Variants in LIPH observed in about 807,000 individuals in gnomAD.
LIPH encodes lipase member H.
LIPH carries 32 observed loss-of-function variants against 47.6 expected under a neutral mutation model. That is an observed-to-expected ratio of 0.67 (90% CI 0.51 to 0.90). LIPH has a LOEUF of 0.90. Among genes scored for constraint, LIPH ranks in the 40% least tolerant of loss-of-function variants. The pLI, the probability that LIPH is intolerant of heterozygous loss-of-function variation, is 0.00. For synonymous variants in LIPH, 190 were observed against 195.6 expected (o/e 0.97, Z 0.24); for missense variants, 497 against 541.4 (o/e 0.92, Z 0.81).
At chr3:185,541,207 T>C (rs965042554) in intron 1 of LIPH, among the ~76,000 whole-genome samples, 2 of 152,092 alleles carry the variant, frequency 1.3e-5, no homozygotes, top group African/African-American at 4.8e-5. Flanking sequence ...GAGTTTCTGT[T>C]CTATTTACTG....
chr3:185,522,327 C>T (rs1370629509), intron 5 of LIPH, among the ~76,000 whole-genome samples: 3 of 152,094 alleles, frequency 2.0e-5, no homozygotes, highest in African/African-American at 7.2e-5. Context: ...GCTGTGTCTG[C>T]CGTAAGGGTC....
In LIPH at chr3:185,538,229, T is replaced by A. The variant is rs199790413; in HGVS notation, c.50-3097A>T. 1.5e-4 allele frequency among the ~76,000 whole-genome samples: 23 copies of A among 152,324 alleles called. No individual in the cohort carries two copies. The East Asian group carries it at 4.4e-3, about 29-fold the overall frequency. The stretch of plus-strand genomic sequence containing the variant: ...CTAAATACTAAATATTATAAAAGCT[T>A]TACATATATTATCTCTCATCCTCAG... On this transcript the variant is annotated intron_variant, in intron 1 of 9. Coordinates refer to ENST00000296252, the MANE Select transcript of LIPH (RefSeq NM_139248.3).
chr3:185,508,607 C>A lies in LIPH; in HGVS notation c.*183G>T. 1.6e-6 allele frequency: 1 copy of A among 615,480 alleles called. No individual in the cohort carries two copies. The highest frequency in any genetic ancestry group is 2.9e-6 in the Non-Finnish European group (1 of 343,798). 38.1% of individuals were successfully genotyped at this position (615,480 alleles called of 1,614,324 possible). A position where few individuals can be genotyped will look rare whatever the true frequency, so the allele number is the denominator to read the frequency against. Reference sequence around the variant, plus strand: ...CTTGCCCTAGTTAGGGGCTCCTTCCCAGGATCGTTTTATAATCACAAGGTT... The same window carrying A: ...CTTGCCCTAGTTAGGGGCTCCTTCCAAGGATCGTTTTATAATCACAAGGTT... On this transcript the variant is annotated 3_prime_UTR_variant, in exon 10 of 10. Transcript: ENST00000296252.
chr3:185,542,312 T>C (rs1720738420), intron 1 of LIPH, among the ~76,000 whole-genome samples: 1 of 151,922 alleles, frequency 6.6e-6, no homozygotes, highest in Admixed American at 6.6e-5. Context: ...TTCCTGTGCT[T>C]TTTCTTTTTT....
In LIPH at chr3:185,514,440, GC is replaced by G; in HGVS notation, c.1063del (p.Ala355LeufsTer22). ...GATTTTGGATTCTGTGGTGTTTCCAGCTTTGTCTCTCAATTTGATGGTAATG... is the reference window on the plus strand; with the variant it reads ...GATTTTGGATTCTGTGGTGTTTCCAGTTTGTCTCTCAATTTGATGGTAATG... ...GDITIKLRDK[A>X]GNTTESKINH... On this transcript the variant is annotated frameshift_variant, in exon 8 of 10. Transcript: ENST00000296252. 6.3e-7 allele frequency: 1 copy of G among 1,575,518 alleles called. No homozygotes were observed. Among genetic ancestry groups the G allele is most frequent in the Non-Finnish European group, 8.7e-7 (1 of 1,144,814 alleles).
chr3:185,529,008 C>CAA (rs11457671), intron 3 of LIPH, among the ~76,000 whole-genome samples: 29,657 of 111,326 alleles, frequency 0.27, 4,188 homozygotes, highest in Non-Finnish European at 0.35. Context: ...TTAAAAATAC[C>CAA]AAAAAAAAAA....
chr3:185,550,287 T>A (rs539291528), intron 1 of LIPH, among the ~76,000 whole-genome samples: 34 of 152,138 alleles, frequency 2.2e-4, no homozygotes, highest in Admixed American at 4.6e-4. Context: ...AGCTATACTA[T>A]TTTTTTTCCT....
intron 1 of LIPH, among the ~76,000 whole-genome samples, chr3:185,539,775 G>A (rs1720645134): frequency 6.6e-6 from 1 of 152,136 alleles, no homozygotes; most frequent in Non-Finnish European, 1.5e-5. Context: ...ACATTTATTG[G>A]CATAACATAT....
intron 8 of LIPH, among the ~76,000 whole-genome samples, chr3:185,512,778 C>T (rs1198817961): frequency 1.4e-5 from 2 of 143,192 alleles, no homozygotes; most frequent in Non-Finnish European, 3.1e-5. Flanking sequence ...CATGAGCCAC[C>T]GAGCCTACCC....
intron 1 of LIPH, among the ~76,000 whole-genome samples, chr3:185,539,324 T>A (rs1720627996): frequency 6.6e-6 from 1 of 151,874 alleles, no homozygotes; most frequent in African/African-American, 2.4e-5. Context: ...GCCTACTGTG[T>A]CTTTATCCTT....
intron 1 of LIPH, 113 bp downstream of exon 1, chr3:185,552,310 C>A (rs975610836): frequency 3.1e-6 from 2 of 651,016 alleles, no homozygotes; most frequent in Non-Finnish European, 2.8e-6. Flanking sequence ...TCCTTAAAAA[C>A]GACTCTATGG....
chr3:185,537,324 T>C (rs1402334278), intron 1 of LIPH, among the ~76,000 whole-genome samples: 1 of 152,154 alleles, frequency 6.6e-6, no homozygotes, highest in East Asian at 1.9e-4. Flanking sequence ...AAGGAGGCTT[T>C]GAAATCCCTC....
At chr3:185,510,962 T>C (rs940064450) in intron 9 of LIPH, among the ~76,000 whole-genome samples, 26 of 152,240 alleles carry the variant, frequency 1.7e-4, no homozygotes, top group African/African-American at 6.0e-4. Context: ...CATTATTTCC[T>C]TGGATTACTA....
intron 3 of LIPH, among the ~76,000 whole-genome samples, chr3:185,528,164 C>G (rs1720170713): frequency 1.3e-5 from 2 of 151,156 alleles, no homozygotes; most frequent in East Asian, 3.9e-4. Flanking sequence ...GCAGAGGTTA[C>G]AGTGAGCCAA....
intron 5 of LIPH, among the ~76,000 whole-genome samples, chr3:185,522,550 A>AAAGGAAGGAAGGGAATGAGGGAAGG (rs1719925588): frequency 6.6e-6 from 1 of 150,810 alleles, no homozygotes; most frequent in African/African-American, 2.4e-5. Context: ...AGAGAGGAAG[A>AAAGGAAGGAAGGGAATGAGGGAAGG]AAGGAAGGAA....
At chr3:185,539,157 C>T (rs538603316) in intron 1 of LIPH, among the ~76,000 whole-genome samples, 28 of 151,454 alleles carry the variant, frequency 1.8e-4, no homozygotes, top group Non-Finnish European at 3.8e-4. Flanking sequence ...TTAGTAGAGA[C>T]GGGGTTTCAC....
intron 1 of LIPH, among the ~76,000 whole-genome samples, chr3:185,540,267 G>A (rs1720660922): frequency 6.6e-6 from 1 of 152,158 alleles, no homozygotes; most frequent in Non-Finnish European, 1.5e-5. Context: ...TCCAGGGTTA[G>A]TGCCTTCTAG....
chr3:185,525,933 C>T (rs1340717643), intron 4 of LIPH, among the ~76,000 whole-genome samples: 2 of 152,066 alleles, frequency 1.3e-5, no homozygotes, highest in Non-Finnish European at 2.9e-5. Context: ...AGAGAATGTC[C>T]GATTAAATGA....
chr3:185,525,281 AC>A (rs1323404470), intron 4 of LIPH, among the ~76,000 whole-genome samples: 2 of 152,128 alleles, frequency 1.3e-5, no homozygotes, highest in Non-Finnish European at 2.9e-5. Flanking sequence ...TCTTTATTAA[AC>A]CCCCAATCAG....
Sources: gnomAD v4.1 joint callset for allele counts (sites outside exome capture counted in the v4.1 genomes callset) on GRCh38, gnomAD v4.1.1 for gene constraint, MANE v1.5 for transcripts, NCBI Gene and HGNC (gene_info 2026-07-23, HGNC 2026-07-21) for gene names.